The following FOXP2 variants were observed in gnomAD, a reference collection of about 807,000 sequenced individuals.
FOXP2 encodes the protein forkhead box protein P2.
In FOXP2, 12 loss-of-function variants were observed where a neutral mutation model predicts 115.8. That is an observed-to-expected ratio of 0.10 (90% CI 0.07 to 0.17). The LOEUF (loss-of-function observed/expected upper bound fraction) is 0.17. Among genes scored for constraint, FOXP2 ranks in the 10% least tolerant of loss-of-function variants. The probability of loss-of-function intolerance (pLI) is 1.00; values close to 1 mark genes in which losing one functional copy is unlikely to be tolerated. For missense variants in FOXP2, 629 were observed against 843.5 expected (o/e 0.75, Z 3.15); for synonymous variants, 328 against 297.7 (o/e 1.10, Z -1.05).
intron 2 of FOXP2, among the ~76,000 whole-genome samples, chr7:114,344,913 CT>C (rs1402893441): frequency 1.3e-5 from 2 of 151,424 alleles, no homozygotes; most frequent in Non-Finnish European, 3.0e-5. Flanking sequence ...GCTGTGCATT[CT>C]TTTTTTAAAC....
At chr7:114,174,869 G>T (rs1016880822) in intron 1 of FOXP2, among the ~76,000 whole-genome samples, 1 of 152,042 alleles carries the variant, frequency 6.6e-6, no homozygotes, top group Non-Finnish European at 1.5e-5. Context: ...AATACTACAT[G>T]TTCTCTTATA....
At chr7:114,496,823 T>G (rs1797343036) in intron 2 of FOXP2, among the ~76,000 whole-genome samples, 1 of 152,188 alleles carries the variant, frequency 6.6e-6, no homozygotes, top group South Asian at 2.1e-4. Context: ...CAGGTATATA[T>G]GTAGTATTTA....
At chr7:114,318,300 T>C (rs1238807471) in intron 2 of FOXP2, among the ~76,000 whole-genome samples, 1 of 151,892 alleles carries the variant, frequency 6.6e-6, no homozygotes, top group Non-Finnish European at 1.5e-5. Context: ...ATTCTTCAAG[T>C]TCCAATTTAG....
At chr7:114,469,911 C>G (rs1178027935) in intron 2 of FOXP2, among the ~76,000 whole-genome samples, 1 of 151,988 alleles carries the variant, frequency 6.6e-6, no homozygotes, top group Admixed American at 6.6e-5. Context: ...GTTTTGAAAG[C>G]AGATATTTAG....
intron 1 of FOXP2, among the ~76,000 whole-genome samples, chr7:114,089,150 A>C (rs547864994): frequency 2.8e-4 from 42 of 152,188 alleles, no homozygotes; most frequent in Non-Finnish European, 4.4e-4. Context: ...TACGACACAC[A>C]CTATTTCATT....
intron 2 of FOXP2, among the ~76,000 whole-genome samples, chr7:114,399,244 A>G (rs1197969267): frequency 6.6e-6 from 1 of 151,562 alleles, no homozygotes; most frequent in Non-Finnish European, 1.5e-5. Flanking sequence ...AGTAGCTGTG[A>G]TTACAGGCAC....
chr7:114,454,204 T>C (rs865785262), intron 2 of FOXP2, among the ~76,000 whole-genome samples: 2,314 of 151,380 alleles, frequency 0.015, 63 homozygotes, highest in African/African-American at 0.053. Flanking sequence ...AAAAAGTGGG[T>C]GAAGGACATG....
chr7:114,332,655 A>G (rs1797740740), intron 2 of FOXP2, among the ~76,000 whole-genome samples: 1 of 152,090 alleles, frequency 6.6e-6, no homozygotes, highest in Admixed American at 6.6e-5. Context: ...CTACTGTAGA[A>G]GAAGGAAAAG....
chr7:114,642,749 T>C, intron 7 of FOXP2, 126 bp downstream of exon 7: 1 of 472,224 alleles, frequency 2.1e-6, no homozygotes, highest in South Asian at 2.6e-5. Context: ...AGATTAGAAA[T>C]CTTTAGATTA....
intron 2 of FOXP2, among the ~76,000 whole-genome samples, chr7:114,507,956 A>C (rs1797902881): frequency 1.3e-5 from 2 of 151,960 alleles, no homozygotes; most frequent in Non-Finnish European, 2.9e-5. Flanking sequence ...ATTTCACCTG[A>C]GAACAAATGA....
At chr7:114,137,136 C>T (rs187220378) in intron 1 of FOXP2, among the ~76,000 whole-genome samples, 4 of 152,062 alleles carry the variant, frequency 2.6e-5, no homozygotes, top group Admixed American at 6.5e-5. Context: ...TCTACTGAAC[C>T]GTGTATTATG....
At chr7:114,664,123 C>T in intron 15 of FOXP2, 150 bp from the exon 16 acceptor site, 1 of 839,386 alleles carries the variant, frequency 1.2e-6, no homozygotes, top group Non-Finnish European at 1.8e-6. Flanking sequence ...CCACAAGTAG[C>T]CAGTTAGGAA....
chr7:114,244,764 GTTTTC>G (rs2129168228), intron 1 of FOXP2, among the ~76,000 whole-genome samples: 1 of 149,606 alleles, frequency 6.7e-6, no homozygotes, highest in Non-Finnish European at 1.5e-5. Flanking sequence ...TTCTAATAGT[GTTTTC>G]TTTTTTTTTT....
intron 3 of FOXP2, among the ~76,000 whole-genome samples, chr7:114,536,403 T>TTTTTTTTTTTTTTTTTC (rs1799398915): frequency 7.1e-6 from 1 of 140,772 alleles, no homozygotes; most frequent in African/African-American, 2.5e-5. Flanking sequence ...TTTTCTTTTT[T>TTTTTTTTTTTTTTTTTC]TTTTTTTTTT....
intron 3 of FOXP2, among the ~76,000 whole-genome samples, chr7:114,614,298 T>G (rs922662070): frequency 4.0e-5 from 6 of 148,188 alleles, no homozygotes. Context: ...TCTTTATAAA[T>G]TAGGTTGAAT....
chr7:114,101,261 G>A (rs1340967578), intron 1 of FOXP2, among the ~76,000 whole-genome samples: 1 of 152,076 alleles, frequency 6.6e-6, no homozygotes, highest in Non-Finnish European at 1.5e-5. Context: ...CTGTTTTTTA[G>A]ACAAAAGATA....
intron 2 of FOXP2, among the ~76,000 whole-genome samples, chr7:114,398,463 C>G (rs1169249015): frequency 6.6e-6 from 1 of 151,948 alleles, no homozygotes; most frequent in Non-Finnish European, 1.5e-5. Flanking sequence ...ACTTTAAAAT[C>G]AATGAAAACA....
At chr7:114,371,247 A>ATT (rs34625695) in intron 2 of FOXP2, among the ~76,000 whole-genome samples, 54,500 of 140,888 alleles carry the variant, frequency 0.39, 11,810 homozygotes, top group East Asian at 0.84. Flanking sequence ...TGTCCAGCTA[A>ATT]TTTTTTTTTT....
At chr7:114,318,220 G>A (rs1317320200) in intron 2 of FOXP2, among the ~76,000 whole-genome samples, 2 of 152,014 alleles carry the variant, frequency 1.3e-5, no homozygotes, top group African/African-American at 4.8e-5. Flanking sequence ...TTTAGTTAGG[G>A]TTTTGTTTTT....
Sources: gnomAD v4.1 joint callset for allele counts (sites outside exome capture counted in the v4.1 genomes callset) on GRCh38, gnomAD v4.1.1 for gene constraint, MANE v1.5 for transcripts, NCBI Gene and HGNC (gene_info 2026-07-23, HGNC 2026-07-21) for gene names.